SARAF: variants seen among roughly 807,000 people sequenced by gnomAD.
SARAF encodes the protein store-operated calcium entry-associated regulatory factor.
A neutral mutation model predicts 39.7 loss-of-function variants in SARAF; 23 were observed. The ratio of observed to expected loss-of-function variants is 0.58; its 90% CI spans 0.42 to 0.82. The LOEUF (loss-of-function observed/expected upper bound fraction) is 0.82. SARAF is among the 40% of genes least tolerant of loss of function. The pLI is 0.00. For missense variants in SARAF, 384 were observed against 418.5 expected, an observed-to-expected ratio of 0.92 and a Z score of 0.72; for synonymous variants, 175 against 168.5, an observed-to-expected ratio of 1.04 and a Z score of -0.30.
intron 1 of SARAF, among the ~76,000 whole-genome samples, chr8:30,077,588 G>A (rs1164621883): frequency 6.6e-6 from 1 of 152,176 alleles, no homozygotes. Context: ...TGGATCACGA[G>A]GTCAAGAGAT....
Position 30,082,954 on chromosome 8 carries a change from C to G in SARAF, c.-5G>C. 6.5e-7 allele frequency: 1 copy of G among 1,541,146 alleles called. No individual in the cohort carries two copies. The highest frequency in any genetic ancestry group is 8.7e-7 in the Non-Finnish European group (1 of 1,144,212). Reference sequence around the variant, plus strand: ...CGGCCCGCAGGCTGCGGCCATGGCGCTCGATGAAGATGGCGCCGGGCTGCC... The same window carrying G: ...CGGCCCGCAGGCTGCGGCCATGGCGGTCGATGAAGATGGCGCCGGGCTGCC... On this transcript the variant is annotated 5_prime_UTR_variant, in exon 1 of 6. Coordinates refer to ENST00000256255, the MANE Select transcript of SARAF (RefSeq NM_016127.6).
intron 1 of SARAF, among the ~76,000 whole-genome samples, chr8:30,075,495 G>A (rs918458381): frequency 2.0e-5 from 3 of 152,104 alleles, no homozygotes; most frequent in Non-Finnish European, 4.4e-5. Flanking sequence ...GTTGCCAAAA[G>A]CAATTTCAGT....
chr8:30,081,937 A>T (rs1802108862), intron 1 of SARAF, among the ~76,000 whole-genome samples: 1 of 146,748 alleles, frequency 6.8e-6, no homozygotes, highest in African/African-American at 2.5e-5. Flanking sequence ...ATGTACCATC[A>T]CTAAAAAAAA....
intron 1 of SARAF, among the ~76,000 whole-genome samples, chr8:30,081,026 C>T (rs1281598300): frequency 6.6e-6 from 1 of 152,152 alleles, no homozygotes; most frequent in East Asian, 1.9e-4. Flanking sequence ...GTAATCCCAG[C>T]TACTCGGGAG....
chr8:30,079,499 T>C (rs1802052238), intron 1 of SARAF, among the ~76,000 whole-genome samples: 2 of 152,234 alleles, frequency 1.3e-5, no homozygotes, highest in South Asian at 4.2e-4. Context: ...AATAAGACAA[T>C]GAAAATGTTC....
intron 1 of SARAF, among the ~76,000 whole-genome samples, chr8:30,081,244 A>G (rs1802091823): frequency 6.6e-6 from 1 of 152,248 alleles, no homozygotes; most frequent in African/African-American, 2.4e-5. Flanking sequence ...TTTGTGTTCC[A>G]GAACAATAGT....
intron 1 of SARAF, among the ~76,000 whole-genome samples, chr8:30,079,700 T>C (rs1458195288): frequency 6.6e-6 from 1 of 152,236 alleles, no homozygotes; most frequent in African/African-American, 2.4e-5. Context: ...TAAAATATTA[T>C]CAACCTTGAA....
chr8:30,079,721 A>C (rs534875459), intron 1 of SARAF, among the ~76,000 whole-genome samples: 134 of 152,360 alleles, frequency 8.8e-4, no homozygotes, highest in African/African-American at 3.2e-3. Context: ...ATTTGTTGTG[A>C]AGCTTAGATA....
chr8:30,068,152 T>C (rs1198825396), intron 3 of SARAF, among the ~76,000 whole-genome samples: 4 of 152,158 alleles, frequency 2.6e-5, no homozygotes, highest in Non-Finnish European at 4.4e-5. Flanking sequence ...CCACGGCCTG[T>C]TAGGAACTGA....
rs752340243 is a variant in SARAF, at chr8:30,069,872, G to C, written c.470C>G (p.Ser157Cys). The C allele has an allele frequency of 1.2e-6, 2 of 1,614,142 alleles. No homozygotes were observed. The highest frequency in any genetic ancestry group is 1.7e-6 in the Non-Finnish European group (2 of 1,180,000). ...KESGKQHGFASFSDYYYKWSS... is the reference protein window; with the variant it reads ...KESGKQHGFACFSDYYYKWSS... ...CCACTTATAATAATAATCAGAGAAA[G>C]AGGCAAAGCCGTGCTGCTTTCCAGA... is the stretch of plus-strand genomic sequence containing the variant. The change falls in exon 3 of 6, where the codon TCT becomes TGT. Residue 157 changes from serine (S) to cysteine (C), a missense_variant. Coordinates refer to ENST00000256255, the MANE Select transcript of SARAF (RefSeq NM_016127.6).
chr8:30,069,545 T>C, intron 3 of SARAF, 97 bp downstream of exon 3: 1 of 1,243,212 alleles, frequency 8.0e-7, no homozygotes, highest in Non-Finnish European at 1.1e-6. Flanking sequence ...AAACCTCCTT[T>C]GGTTTCCCAA....
chr8:30,068,792 C>T (rs898254954), intron 3 of SARAF, among the ~76,000 whole-genome samples: 57 of 152,054 alleles, frequency 3.7e-4, no homozygotes, highest in Middle Eastern at 3.2e-3. Context: ...AAATACGTTT[C>T]GTAAATTTTT....
At chr8:30,076,232 C>T (rs1365539804) in intron 1 of SARAF, among the ~76,000 whole-genome samples, 1 of 152,082 alleles carries the variant, frequency 6.6e-6, no homozygotes, top group Non-Finnish European at 1.5e-5. Context: ...GGCATGGGGA[C>T]AAAAACAACC....
chr8:30,072,861 A>G (rs1478223224), intron 2 of SARAF, among the ~76,000 whole-genome samples: 1 of 152,202 alleles, frequency 6.6e-6, no homozygotes, highest in Non-Finnish European at 1.5e-5. Context: ...TGGGACCTAC[A>G]TGTAATCTGA....
Position 30,069,832 on chromosome 8 carries a change from G to A in SARAF, c.510C>T (p.Ser170=). The change falls in exon 3 of 6, where the codon TCC becomes TCT. Residue 170 remains serine (S), a synonymous_variant. Transcript: ENST00000256255. ...DYYYKWSSAD[S]CNMSGLITIV... is the part of the protein sequence containing the mutation. ...TGGTAATCAATCCACTCATGTTACAGGAATCCGCCGAGGACCACTTATAAT... is the reference window on the plus strand; with the variant it reads ...TGGTAATCAATCCACTCATGTTACAAGAATCCGCCGAGGACCACTTATAAT... 3 of 1,614,134 alleles carry A rather than the reference G, an allele frequency of 1.9e-6. No individual in the cohort carries two copies. The highest frequency in any genetic ancestry group is 2.5e-6 in the Non-Finnish European group (3 of 1,180,008).
At position 30,063,636 on chromosome 8, in the gene SARAF, C is replaced by T. The variant is rs1801605675; in HGVS notation, c.*252G>A. 2 of 524,832 alleles carry T rather than the reference C, an allele frequency of 3.8e-6. No individual in the cohort carries two copies. The highest frequency in any genetic ancestry group is 6.7e-6 in the Non-Finnish European group (2 of 297,442). 32.5% of individuals were successfully genotyped at this position (524,832 alleles called of 1,614,324 possible). On this transcript the variant is annotated 3_prime_UTR_variant, in exon 6 of 6. Coordinates refer to ENST00000256255, the MANE Select transcript of SARAF (RefSeq NM_016127.6). Reference sequence around the variant, plus strand: ...AAATTAATGTATTTTTAGCATTCCACAGTAATGATCACTTTCAAAAACTGC... The same window carrying T: ...AAATTAATGTATTTTTAGCATTCCATAGTAATGATCACTTTCAAAAACTGC...
At chr8:30,064,474 T>C (rs548638589) in intron 5 of SARAF, among the ~76,000 whole-genome samples, 1 of 150,274 alleles carries the variant, frequency 6.7e-6, no homozygotes, top group African/African-American at 2.4e-5. Flanking sequence ...AGTCATGATT[T>C]TATGCAAGTC....
Position 30,069,807 on chromosome 8 carries a change from T to C in SARAF, c.535A>G (p.Ile179Val). The part of the protein sequence containing the change: ...DSCNMSGLIT[I>V]VVLLGIAFVV... ...AACGCGATCCCAAGGAGTACCACAA[T>C]GGTAATCAATCCACTCATGTTACAG... The change falls in exon 3 of 6, where the codon ATT becomes GTT. Residue 179 changes from isoleucine to valine, a missense_variant. Ile to Val is a conservative substitution (Grantham distance 29). Coordinates refer to ENST00000256255, the MANE Select transcript of SARAF (RefSeq NM_016127.6). 1.2e-6 allele frequency: 2 copies of C among 1,614,100 alleles called. No homozygotes were observed. The highest frequency in any genetic ancestry group is 1.7e-6 in the Non-Finnish European group (2 of 1,179,994).
At chr8:30,065,286 A>G (rs1458130206) in intron 5 of SARAF, among the ~76,000 whole-genome samples, 1 of 152,200 alleles carries the variant, frequency 6.6e-6, no homozygotes, top group Non-Finnish European at 1.5e-5. Context: ...GTCCTTTGGA[A>G]GTATGCATAG....
Sources: gnomAD v4.1 joint callset for allele counts (sites outside exome capture counted in the v4.1 genomes callset) on GRCh38, gnomAD v4.1.1 for gene constraint, MANE v1.5 for transcripts, NCBI Gene and HGNC (gene_info 2026-07-23, HGNC 2026-07-21) for gene names.